RCOR1: variants seen among roughly 807,000 people sequenced by gnomAD.
RCOR1 encodes the protein REST corepressor 1.
RCOR1 carries 12 observed loss-of-function variants against 64.0 expected under a neutral mutation model. The ratio of observed to expected loss-of-function variants is 0.19; its 90% CI spans 0.12 to 0.30. The LOEUF (loss-of-function observed/expected upper bound fraction) is 0.30, where lower values mean the gene tolerates loss of function less well. Ranked by LOEUF, RCOR1 falls within the 10% of genes least tolerant of loss-of-function variation. The pLI is 1.00. For missense variants in RCOR1, 502 were observed against 621.2 expected (o/e 0.81, Z 2.04); for synonymous variants, 279 against 227.2 (o/e 1.23, Z -2.05).
chr14:102,606,218 G>T (rs1252982336), intron 2 of RCOR1, among the ~76,000 whole-genome samples: 1 of 152,030 alleles, frequency 6.6e-6, no homozygotes, highest in South Asian at 2.1e-4. Context: ...GAGCCACCGT[G>T]CCCGGCCTAA....
intron 3 of RCOR1, among the ~76,000 whole-genome samples, chr14:102,693,010 C>A (rs886878371): frequency 1.2e-4 from 18 of 152,080 alleles, no homozygotes; most frequent in African/African-American, 4.3e-4. Context: ...AAGTGATTGA[C>A]CTGCCTCAGC....
At chr14:102,708,360 A>G (rs1467963685) in intron 5 of RCOR1, 105 bp from the exon 6 acceptor site, 3 of 685,440 alleles carry the variant, frequency 4.4e-6, no homozygotes, top group East Asian at 2.9e-5. Flanking sequence ...TTAGCCACCC[A>G]AAGTGCTGGG....
chr14:102,713,376 A>G (rs1038913433), intron 7 of RCOR1, among the ~76,000 whole-genome samples: 2 of 149,036 alleles, frequency 1.3e-5, no homozygotes, highest in African/African-American at 5.0e-5. Flanking sequence ...CTCCTGCCTC[A>G]GCCTCCCGCC....
At chr14:102,635,963 CAG>C (rs1894226854) in intron 2 of RCOR1, among the ~76,000 whole-genome samples, 1 of 149,374 alleles carries the variant, frequency 6.7e-6, no homozygotes, top group African/African-American at 2.4e-5. Context: ...TCCCTTCTGA[CAG>C]AGAGTCTCAC....
intron 4 of RCOR1, among the ~76,000 whole-genome samples, chr14:102,702,856 A>C (rs1363965392): frequency 6.6e-6 from 1 of 152,238 alleles, no homozygotes; most frequent in Admixed American, 6.5e-5. Flanking sequence ...CCCATTCAGT[A>C]GAAAAAAATT....
intron 7 of RCOR1, 112 bp downstream of exon 7, chr14:102,711,125 AG>A: frequency 1.5e-6 from 1 of 679,458 alleles, no homozygotes; most frequent in Non-Finnish European, 2.5e-6. Flanking sequence ...TGTGGAAAGC[AG>A]CATGATATGA....
intron 2 of RCOR1, among the ~76,000 whole-genome samples, chr14:102,655,761 T>C (rs1372018076): frequency 6.6e-6 from 1 of 152,102 alleles, no homozygotes. Context: ...AAGACCAGCC[T>C]GGCCAACATG....
intron 2 of RCOR1, among the ~76,000 whole-genome samples, chr14:102,641,556 C>T (rs1306462778): frequency 1.3e-5 from 2 of 151,950 alleles, no homozygotes; most frequent in Non-Finnish European, 2.9e-5. Flanking sequence ...GCCAAGATGT[C>T]GCCACTGCAC....
intron 3 of RCOR1, among the ~76,000 whole-genome samples, chr14:102,689,307 CTTGA>C (rs937443588): frequency 5.3e-5 from 8 of 151,802 alleles, no homozygotes; most frequent in East Asian, 1.9e-4. Flanking sequence ...TTTTTTGTTG[CTTGA>C]TTATTATTAT....
chr14:102,693,346 G>A (rs1895576717), intron 3 of RCOR1, among the ~76,000 whole-genome samples: 1 of 151,298 alleles, frequency 6.6e-6, no homozygotes, highest in Non-Finnish European at 1.5e-5. Context: ...GCAGCACCAG[G>A]CACACAGTAG....
chr14:102,639,008 T>G (rs1894302504), intron 2 of RCOR1, among the ~76,000 whole-genome samples: 1 of 152,176 alleles, frequency 6.6e-6, no homozygotes, highest in South Asian at 2.1e-4. Flanking sequence ...CTCTTGGGAT[T>G]TTTTTCCTAA....
In RCOR1 at chr14:102,593,263, C is replaced by T; in HGVS notation, c.302-3C>T. The T allele has an allele frequency of 3.3e-6, 5 of 1,527,946 alleles. No individual in the cohort carries two copies. The highest frequency in any genetic ancestry group is 4.4e-6 in the Non-Finnish European group (5 of 1,142,754). 94.6% of individuals were successfully genotyped at this position (1,527,946 alleles called of 1,614,324 possible). A position where few individuals can be genotyped will look rare whatever the true frequency, so the allele number is the denominator to read the frequency against. ...TGACCGCCGTATTCTGCTTCCCCCGCAGGTGGCGGTGGCATGAGGGTCGGA... is the reference window on the plus strand; with the variant it reads ...TGACCGCCGTATTCTGCTTCCCCCGTAGGTGGCGGTGGCATGAGGGTCGGA... On this transcript the variant is annotated splice_region_variant and splice_polypyrimidine_tract_variant and intron_variant, in intron 1 of 11. Transcript: ENST00000262241.
At chr14:102,678,277 C>T (rs998423624) in intron 2 of RCOR1, among the ~76,000 whole-genome samples, 28 of 152,068 alleles carry the variant, frequency 1.8e-4, no homozygotes, top group Non-Finnish European at 4.1e-4. Context: ...GTGAATAACG[C>T]TGCCTATGTG....
At chr14:102,612,395 G>T (rs139293863) in intron 2 of RCOR1, among the ~76,000 whole-genome samples, 2 of 151,288 alleles carry the variant, frequency 1.3e-5, no homozygotes, top group African/African-American at 4.9e-5. Flanking sequence ...TAGTAGAGAC[G>T]GGGTTTTGGG....
chr14:102,678,220 CGAGAGG>C (rs113468250), intron 2 of RCOR1, among the ~76,000 whole-genome samples: 2,205 of 150,938 alleles, frequency 0.015, 26 homozygotes, highest in Admixed American at 0.017. Flanking sequence ...GAGAGGGAGA[CGAGAGG>C]GAGAGGGAGA....
intron 2 of RCOR1, among the ~76,000 whole-genome samples, chr14:102,615,156 CA>C (rs1369990909): frequency 1.8e-5 from 2 of 110,548 alleles, no homozygotes; most frequent in African/African-American, 6.6e-5. Context: ...TTTTTTGAGA[CA>C]GAGTCTTATT....
chr14:102,679,123 T>G (rs1171983971), intron 2 of RCOR1, among the ~76,000 whole-genome samples: 1 of 152,196 alleles, frequency 6.6e-6, no homozygotes, highest in African/African-American at 2.4e-5. Context: ...AATTTTATTT[T>G]TAGTATACCA....
intron 2 of RCOR1, chr14:102,662,141 C>T: frequency 2.7e-6 from 1 of 367,176 alleles, no homozygotes; most frequent in Non-Finnish European, 5.3e-6. Flanking sequence ...GTATGGTTTT[C>T]CCAAGTCATT....
At chr14:102,681,479 T>A (rs570366202) in intron 2 of RCOR1, among the ~76,000 whole-genome samples, 1 of 152,158 alleles carries the variant, frequency 6.6e-6, no homozygotes, top group East Asian at 1.9e-4. Context: ...TTAAACTTTT[T>A]AAATAGTTAT....
Sources: gnomAD v4.1 joint callset for allele counts (sites outside exome capture counted in the v4.1 genomes callset) on GRCh38, gnomAD v4.1.1 for gene constraint, MANE v1.5 for transcripts, NCBI Gene and HGNC (gene_info 2026-07-23, HGNC 2026-07-21) for gene names.